Variants in CNTN4 observed in about 807,000 individuals in gnomAD.
CNTN4 encodes contactin 4.
Under a neutral mutation model 122.5 loss-of-function variants are expected in CNTN4, and 77 were observed. That is an observed-to-expected ratio of 0.63 (90% CI 0.52 to 0.76). The LOEUF is 0.76. CNTN4 is among the 30% of genes least tolerant of loss of function. CNTN4 has a pLI of 0.00. For missense variants in CNTN4, 1,256 were observed against 1,259.1 expected (o/e 1.00, Z 0.04); for synonymous variants, 512 against 447.0 (o/e 1.15, Z -1.83).
intron 3 of CNTN4, among the ~76,000 whole-genome samples, chr3:2,378,697 C>A (rs374888158): frequency 2.0e-5 from 3 of 151,832 alleles, no homozygotes; most frequent in Non-Finnish European, 2.9e-5. Context: ...CCAGATCTAA[C>A]TAAAACACAT....
chr3:2,695,235 C>G (rs1001538191), intron 4 of CNTN4, among the ~76,000 whole-genome samples: 1 of 152,088 alleles, frequency 6.6e-6, no homozygotes, highest in African/African-American at 2.4e-5. Flanking sequence ...TGAATGGAAG[C>G]CTTCTGATTG....
intron 2 of CNTN4, among the ~76,000 whole-genome samples, chr3:2,288,543 A>AT (rs1169485483): frequency 6.6e-6 from 1 of 152,156 alleles, no homozygotes; most frequent in East Asian, 1.9e-4. Context: ...TCAACATGAG[A>AT]TTTTGAGGAG....
intron 2 of CNTN4, among the ~76,000 whole-genome samples, chr3:2,287,631 G>GAA (rs1345079400): frequency 6.6e-4 from 27 of 40,666 alleles, no homozygotes; most frequent in Middle Eastern, 0.01. Context: ...AGAAGGAGAA[G>GAA]GAGAAGAAGA....
intron 6 of CNTN4, among the ~76,000 whole-genome samples, chr3:2,808,461 G>T (rs1295015074): frequency 6.6e-6 from 1 of 152,080 alleles, no homozygotes; most frequent in Non-Finnish European, 1.5e-5. Context: ...AATTCAAAAT[G>T]AAGAATCATA....
At chr3:2,970,934 C>A (rs914110931) in intron 13 of CNTN4, among the ~76,000 whole-genome samples, 2 of 151,752 alleles carry the variant, frequency 1.3e-5, no homozygotes, top group African/African-American at 4.8e-5. Context: ...ATTACAGGTG[C>A]CCGCCACCAT....
chr3:2,815,027 C>T (rs1191181860), intron 6 of CNTN4, among the ~76,000 whole-genome samples: 3 of 152,098 alleles, frequency 2.0e-5, no homozygotes, highest in Non-Finnish European at 4.4e-5. Context: ...ACCCAAGTAC[C>T]AAGGCTTTGG....
Position 2,521,471 on chromosome 3 carries a change from A to G in CNTN4, c.-88-49945A>G, listed in dbSNP as rs9834551. On this transcript the variant is annotated intron_variant, in intron 3 of 24. Transcript: ENST00000418658. ...ATAACTTCTAGATAAGGGTACAGCCATCCCTCCCTAGGACATGGTTTTAAG... is the reference window on the plus strand; with the variant it reads ...ATAACTTCTAGATAAGGGTACAGCCGTCCCTCCCTAGGACATGGTTTTAAG... 5.5e-3 allele frequency among the ~76,000 whole-genome samples: 840 copies of G among 151,920 alleles called. 9 individuals carry two copies. The highest frequency in any genetic ancestry group is 0.019 in the African/African-American group (799 of 41,460).
intron 6 of CNTN4, among the ~76,000 whole-genome samples, chr3:2,792,961 T>C (rs992962130): frequency 6.6e-6 from 1 of 152,192 alleles, no homozygotes; most frequent in Non-Finnish European, 1.5e-5. Context: ...GATAGGGACA[T>C]CTCTGTCACA....
At chr3:2,787,342 C>T (rs1244677818) in intron 6 of CNTN4, among the ~76,000 whole-genome samples, 1 of 152,150 alleles carries the variant, frequency 6.6e-6, no homozygotes, top group Non-Finnish European at 1.5e-5. Context: ...TGCCACTGCT[C>T]TCCAGCCTGG....
intron 2 of CNTN4, among the ~76,000 whole-genome samples, chr3:2,103,296 A>G (rs1440562732): frequency 6.6e-6 from 1 of 152,132 alleles, no homozygotes; most frequent in Admixed American, 6.5e-5. Context: ...ATACTAAAGT[A>G]GAAAAAAAGG....
intron 6 of CNTN4, among the ~76,000 whole-genome samples, chr3:2,751,107 C>G (rs984814582): frequency 4.6e-5 from 7 of 151,484 alleles, no homozygotes; most frequent in African/African-American, 1.5e-4. Flanking sequence ...TGAGACCATC[C>G]TGGCTAACAT....
chr3:2,753,604 A>G (rs1475972616), intron 6 of CNTN4, among the ~76,000 whole-genome samples: 1 of 152,196 alleles, frequency 6.6e-6, no homozygotes, highest in Admixed American at 6.5e-5. Flanking sequence ...TGCCTGTTAT[A>G]TGGCATTTTA....
At chr3:2,281,844 G>T (rs560112903) in intron 2 of CNTN4, among the ~76,000 whole-genome samples, 3 of 152,164 alleles carry the variant, frequency 2.0e-5, no homozygotes, top group African/African-American at 7.2e-5. Context: ...AGTTAATTTT[G>T]AGTAATATAC....
intron 2 of CNTN4, among the ~76,000 whole-genome samples, chr3:2,323,714 A>G (rs1575373419): frequency 1.3e-5 from 2 of 152,240 alleles, no homozygotes; most frequent in Admixed American, 1.3e-4. Context: ...TGAATAAACA[A>G]GTACATGCAT....
chr3:2,994,487 G>T (rs999170524), intron 14 of CNTN4, among the ~76,000 whole-genome samples: 1 of 151,672 alleles, frequency 6.6e-6, no homozygotes, highest in African/African-American at 2.4e-5. Context: ...AGCCGAAAAG[G>T]TTCCTGTGGT....
chr3:2,895,574 A>G (rs916162067), intron 10 of CNTN4, among the ~76,000 whole-genome samples: 3 of 152,212 alleles, frequency 2.0e-5, no homozygotes, highest in Admixed American at 6.5e-5. Context: ...GGGAGATGCC[A>G]TCTCCCATAC....
At chr3:2,962,348 G>A (rs895656177) in intron 13 of CNTN4, among the ~76,000 whole-genome samples, 1 of 152,224 alleles carries the variant, frequency 6.6e-6, no homozygotes, top group Non-Finnish European at 1.5e-5. Flanking sequence ...AAAGACAGCA[G>A]CTCTTCTGTC....
chr3:2,467,923 G>A (rs1008689451), intron 3 of CNTN4, among the ~76,000 whole-genome samples: 3 of 151,912 alleles, frequency 2.0e-5, no homozygotes, highest in African/African-American at 7.3e-5. Context: ...TGATGAAGTG[G>A]GTATCTTTAT....
chr3:2,349,184 TTA>T (rs755378520), intron 3 of CNTN4, among the ~76,000 whole-genome samples: 1 of 152,188 alleles, frequency 6.6e-6, no homozygotes, highest in Non-Finnish European at 1.5e-5. Context: ...ATGAATGCAA[TTA>T]TGTTTGCCAT....
Sources: allele counts gnomAD v4.1 joint callset (sites outside exome capture counted in the v4.1 genomes callset), GRCh38; gene constraint gnomAD v4.1.1; transcripts MANE v1.5; gene names NCBI Gene and HGNC (gene_info 2026-07-23, HGNC 2026-07-21).